RASSF9: variants seen among roughly 807,000 people sequenced by gnomAD.
The protein encoded by RASSF9 is ras association domain-containing protein 9.
In RASSF9, 18 loss-of-function variants were observed where a neutral mutation model predicts 21.4. The ratio of observed to expected loss-of-function variants is 0.84; its 90% CI spans 0.58 to 1.25. The LOEUF is 1.25. Among genes scored for constraint, RASSF9 ranks in the 50% most tolerant of loss-of-function variants. The probability of loss-of-function intolerance (pLI) is 0.00; values close to 1 mark genes in which losing one functional copy is unlikely to be tolerated. For synonymous variants in RASSF9, 183 were observed against 179.1 expected (o/e 1.02, Z -0.18); for missense variants, 480 against 503.2 (o/e 0.95, Z 0.44).
chr12:85,811,511 G>A lies in RASSF9; in HGVS notation c.48-5549C>T, dbSNP rs114868573. On this transcript the variant is annotated intron_variant, in intron 1 of 1. Transcript: ENST00000361228. ...TTTATTACTCCTGTGTTACATTATA[G>A]AGGAAAAGCATTTACTCAAAAAAGT... Among the ~76,000 whole-genome samples, 350 of 151,968 alleles carry A rather than the reference G, an allele frequency of 2.3e-3. 3 individuals carry two copies. The highest frequency in any genetic ancestry group is 7.8e-3 in the African/African-American group (322 of 41,548).
rs1173992362 is a variant in RASSF9, at chr12:85,802,894, A to G, written c.*1808T>C. 1 of 152,158 alleles carries G rather than the reference A, an allele frequency of 6.6e-6. No individual in the cohort carries two copies. Among genetic ancestry groups the G allele is most frequent in the East Asian group, 1.9e-4 (1 of 5,196 alleles). The allele number at this position is 152,158 out of a possible 1,614,324, so 9.4% of individuals were successfully genotyped here. ...ATTCAATTTTATCTTTTTTAAAAAA[A>G]TGTAACCGATGCCAGAATTATTACT... is the stretch of plus-strand genomic sequence containing the variant. On this transcript the variant is annotated 3_prime_UTR_variant, in exon 2 of 2. Transcript: ENST00000361228.
At chr12:85,831,397 A>C (rs981870975) in intron 1 of RASSF9, among the ~76,000 whole-genome samples, 4 of 152,056 alleles carry the variant, frequency 2.6e-5, no homozygotes, top group Admixed American at 6.6e-5. Flanking sequence ...CTGACACTGT[A>C]GATAATACAT....
Position 85,804,885 on chromosome 12 carries a change from G to C in RASSF9, c.1125C>G (p.Cys375Trp). 6.2e-6 allele frequency: 10 copies of C among 1,613,618 alleles called. No homozygotes were observed. The highest frequency in any genetic ancestry group is 8.5e-6 in the Non-Finnish European group (10 of 1,179,614). Reference protein sequence around the residue: ...NSLHISNKDGCQLKENRAKES... With the variant: ...NSLHISNKDGWQLKENRAKES... ...CCTTCGCTCTGTTTTCCTTTAACTG[G>C]CACCCATCTTTGTTGCTAATGTGAA... Residue 375 changes from cysteine to tryptophan, a missense_variant, in exon 2 of 2, where the codon TGC becomes TGG. Physicochemically the swap from Cys to Trp is radical, Grantham distance 215. Coordinates refer to ENST00000361228, the MANE Select transcript of RASSF9 (RefSeq NM_005447.4).
intron 1 of RASSF9, among the ~76,000 whole-genome samples, chr12:85,824,968 A>T (rs1263087812): frequency 2.0e-5 from 3 of 151,540 alleles, no homozygotes; most frequent in Non-Finnish European, 2.9e-5. Flanking sequence ...GAATAACCCC[A>T]CTCCCACAAA....
At chr12:85,819,990 G>A (rs1414324389) in intron 1 of RASSF9, among the ~76,000 whole-genome samples, 1 of 152,086 alleles carries the variant, frequency 6.6e-6, no homozygotes, top group Non-Finnish European at 1.5e-5. Flanking sequence ...ATAAATAGGT[G>A]ATAAGTCAAT....
chr12:85,811,422 A>G (rs1019635298), intron 1 of RASSF9, among the ~76,000 whole-genome samples: 4 of 151,854 alleles, frequency 2.6e-5, no homozygotes, highest in African/African-American at 9.7e-5. Flanking sequence ...ATTGTTTGCA[A>G]GTGTAGGTTA....
At chr12:85,818,724 G>A (rs1239273525) in intron 1 of RASSF9, among the ~76,000 whole-genome samples, 1 of 152,090 alleles carries the variant, frequency 6.6e-6, no homozygotes, top group Non-Finnish European at 1.5e-5. Context: ...ACTTCGGGAT[G>A]CCGAGGCGGG....
intron 1 of RASSF9, among the ~76,000 whole-genome samples, chr12:85,822,088 G>A (rs1157516385): frequency 6.6e-6 from 1 of 152,128 alleles, no homozygotes; most frequent in Non-Finnish European, 1.5e-5. Context: ...CTTATTAAAA[G>A]GAAAGTCACC....
intron 1 of RASSF9, among the ~76,000 whole-genome samples, chr12:85,835,684 T>C (rs374286676): frequency 6.6e-6 from 1 of 152,206 alleles, no homozygotes; most frequent in South Asian, 2.1e-4. Context: ...TTCTGAATTG[T>C]ATCAGCAGTT....
chr12:85,832,453 T>C (rs2136564989), intron 1 of RASSF9, among the ~76,000 whole-genome samples: 1 of 152,008 alleles, frequency 6.6e-6, no homozygotes, highest in African/African-American at 2.4e-5. Context: ...TTCTGATTGC[T>C]ATTTAGACAC....
intron 1 of RASSF9, among the ~76,000 whole-genome samples, chr12:85,813,175 A>C (rs1251554228): frequency 1.3e-5 from 2 of 151,912 alleles, no homozygotes; most frequent in African/African-American, 4.8e-5. Context: ...TATATACTAC[A>C]TGAAACTTTC....
At chr12:85,807,930 C>T (rs565037659) in intron 1 of RASSF9, among the ~76,000 whole-genome samples, 29 of 152,190 alleles carry the variant, frequency 1.9e-4, no homozygotes, top group Non-Finnish European at 3.8e-4. Flanking sequence ...ATTAGTTATG[C>T]TACAATGTGA....
intron 1 of RASSF9, among the ~76,000 whole-genome samples, chr12:85,811,690 T>C (rs1879956455): frequency 6.6e-6 from 1 of 151,854 alleles, no homozygotes; most frequent in South Asian, 2.1e-4. Context: ...GGCTTCAAAG[T>C]ATAGTACTTA....
chr12:85,811,635 G>T (rs976504490), intron 1 of RASSF9, among the ~76,000 whole-genome samples: 23 of 151,792 alleles, frequency 1.5e-4, no homozygotes, highest in Admixed American at 1.1e-3. Flanking sequence ...TTCGCAATTT[G>T]CAAGTAGATA....
intron 1 of RASSF9, among the ~76,000 whole-genome samples, chr12:85,809,265 T>C (rs78901086): frequency 0.025 from 3,797 of 152,176 alleles, 175 homozygotes; most frequent in African/African-American, 0.087. Context: ...TGTGGATTAA[T>C]TTGGAAATAA....
chr12:85,810,991 C>T (rs1879941530), intron 1 of RASSF9, among the ~76,000 whole-genome samples: 1 of 151,958 alleles, frequency 6.6e-6, no homozygotes, highest in Admixed American at 6.6e-5. Context: ...TATGAAATCT[C>T]ATATCCCAAG....
At chr12:85,834,528 G>A (rs1880519422) in intron 1 of RASSF9, among the ~76,000 whole-genome samples, 1 of 152,040 alleles carries the variant, frequency 6.6e-6, no homozygotes, top group Admixed American at 6.5e-5. Context: ...GGGAAACTCA[G>A]GGGCGCATGC....
chr12:85,836,194 G>A lies in RASSF9; in HGVS notation c.8C>T (p.Pro3Leu). MA[P>L]FGRNLLKTRH... ...AGTCTTTAGCAAGTTTCTTCCAAAG[G>A]GAGCCATGGTCTGTCGGGCAAACGA... Residue 3 changes from proline (P) to leucine (L), a missense_variant, in exon 1 of 2, where the codon CCC (proline) becomes CTC (leucine). Transcript: ENST00000361228. 6.5e-7 allele frequency: 1 copy of A among 1,549,962 alleles called. No individual in the cohort carries two copies. Among genetic ancestry groups the A allele is most frequent in the South Asian group, 1.2e-5 (1 of 83,948 alleles).
intron 1 of RASSF9, among the ~76,000 whole-genome samples, chr12:85,825,064 G>A (rs1880301207): frequency 6.6e-6 from 1 of 152,096 alleles, no homozygotes; most frequent in South Asian, 2.1e-4. Context: ...GTACAGTGGT[G>A]CGATCTCGGC....
Sources: gnomAD v4.1 joint callset for allele counts (sites outside exome capture counted in the v4.1 genomes callset) on GRCh38, gnomAD v4.1.1 for gene constraint, MANE v1.5 for transcripts, NCBI Gene and HGNC (gene_info 2026-07-23, HGNC 2026-07-21) for gene names.